The following LRRC8B variants were observed in gnomAD, a reference collection of about 807,000 sequenced individuals.
LRRC8B encodes the protein volume-regulated anion channel subunit LRRC8B.
A neutral mutation model predicts 58.8 loss-of-function variants in LRRC8B; 23 were observed. The ratio of observed to expected loss-of-function variants is 0.39; its 90% CI spans 0.28 to 0.55. LRRC8B has a LOEUF of 0.55. LRRC8B is among the 20% of genes least tolerant of loss of function. The pLI, the probability that LRRC8B is intolerant of heterozygous loss-of-function variation, is 0.62. For missense variants in LRRC8B, 694 were observed against 936.0 expected, an observed-to-expected ratio of 0.74 and a Z score of 3.37; for synonymous variants, 359 against 374.1, an observed-to-expected ratio of 0.96 and a Z score of 0.47.
chr1:89,561,083 C>T (rs1040920573), intron 1 of LRRC8B, among the ~76,000 whole-genome samples: 6 of 151,014 alleles, frequency 4.0e-5, no homozygotes, highest in African/African-American at 1.5e-4. Context: ...GCCATTCTAA[C>T]TGGTGTGAGA....
At chr1:89,567,975 A>G (rs1653165551) in intron 1 of LRRC8B, among the ~76,000 whole-genome samples, 1 of 152,176 alleles carries the variant, frequency 6.6e-6, no homozygotes, top group South Asian at 2.1e-4. Context: ...TTACAATGGC[A>G]TAATTGTATA....
rs763796952 is a variant in LRRC8B at position 89,592,855 on chromosome 1, C to T, written c.2224C>T (p.Pro742Ser). Residue 742 changes from proline to serine, a missense_variant, in exon 6 of 6, where the codon CCT becomes TCT. By Grantham distance (74) the Pro-to-Ser change is moderately conservative (BLOSUM62 -1). Around this residue, in one of 5 missense-constraint regions of LRRC8B, gnomAD observed 139 missense variants for 158.2 expected, o/e 0.88. Transcript: ENST00000330947. ...GAAAAATAGCTTGATGAATTTGTCC[C>T]CTCATGTGGGTGAGCTGTCAAACCT... ...LGKNSLMNLS[P>S]HVGELSNLTH... The T allele has an allele frequency of 1.2e-6, 2 of 1,613,804 alleles. No homozygotes were observed. The highest frequency in any genetic ancestry group is 1.1e-5 in the South Asian group (1 of 91,078).
At chr1:89,535,515 A>T (rs911849778) in intron 1 of LRRC8B, among the ~76,000 whole-genome samples, 3 of 152,180 alleles carry the variant, frequency 2.0e-5, no homozygotes, top group Non-Finnish European at 2.9e-5. Context: ...GAAGAGCAAG[A>T]CCCTCTTTTA....
At chr1:89,548,042 AT>A (rs1453775044) in intron 1 of LRRC8B, among the ~76,000 whole-genome samples, 4 of 152,166 alleles carry the variant, frequency 2.6e-5, no homozygotes, top group African/African-American at 9.7e-5. Context: ...CTTTCTAAAT[AT>A]TGCCTGGCTG....
At chr1:89,571,480 C>T (rs1197289324) in intron 3 of LRRC8B, among the ~76,000 whole-genome samples, 1 of 152,048 alleles carries the variant, frequency 6.6e-6, no homozygotes, top group Admixed American at 6.6e-5. Context: ...GAGTTTGTCC[C>T]TGATTTGGCT....
intron 3 of LRRC8B, among the ~76,000 whole-genome samples, chr1:89,578,414 CT>C (rs1333637109): frequency 2.7e-5 from 4 of 146,756 alleles, no homozygotes; most frequent in East Asian, 2.0e-4. Context: ...TTTATAAAGG[CT>C]TGTGAATTGT....
At chr1:89,559,142 G>C (rs921508828) in intron 1 of LRRC8B, 3 of 152,228 alleles carry the variant, frequency 2.0e-5, no homozygotes, top group Non-Finnish European at 2.9e-5. Context: ...TTGGGGAGAT[G>C]ATTCTGCAGC....
intron 1 of LRRC8B, among the ~76,000 whole-genome samples, chr1:89,559,241 A>T (rs1035239600): frequency 6.6e-6 from 1 of 152,142 alleles, no homozygotes; most frequent in African/African-American, 2.4e-5. Context: ...CGAGCATAGC[A>T]TATGTGTGAG....
rs138242440 is a variant in LRRC8B at position 89,593,616 on chromosome 1, G to A, written c.*573G>A. The A allele has an allele frequency of 1.3e-4, 20 of 152,454 alleles. No individual in the cohort carries two copies. Among genetic ancestry groups the A allele is most frequent in the African/African-American group, 4.8e-4 (20 of 41,526 alleles). 9.4% of individuals were successfully genotyped at this position (152,454 alleles called of 1,614,324 possible). ...GAAATGCACATCCAGGGTGGACTGGGAGCTATGAAATGACTAAATTCCTCC... is the reference window on the plus strand; with the variant it reads ...GAAATGCACATCCAGGGTGGACTGGAAGCTATGAAATGACTAAATTCCTCC... On this transcript the variant is annotated 3_prime_UTR_variant, in exon 6 of 6. Transcript: ENST00000330947.
intron 1 of LRRC8B, among the ~76,000 whole-genome samples, chr1:89,553,543 A>G (rs1230060560): frequency 6.6e-6 from 1 of 152,184 alleles, no homozygotes; most frequent in African/African-American, 2.4e-5. Context: ...TATTTTTACC[A>G]TTAAGTATTT....
At chr1:89,541,437 C>T (rs1052984211) in intron 1 of LRRC8B, among the ~76,000 whole-genome samples, 8 of 151,762 alleles carry the variant, frequency 5.3e-5, no homozygotes, top group African/African-American at 1.7e-4. Context: ...TCTGGCCGGG[C>T]GCGGTGGCTC....
rs561842704 is a variant in LRRC8B at position 89,596,346 on chromosome 1, C to T, written c.*3303C>T. 9 of 152,216 alleles carry T rather than the reference C, an allele frequency of 5.9e-5. No homozygotes were observed. Among genetic ancestry groups the T allele is most frequent in the Admixed American group, 1.3e-4 (2 of 15,292 alleles). The allele number at this position is 152,216 out of a possible 1,614,324, so 9.4% of individuals were successfully genotyped here. ...CTGTATGTCACTGTATTTTATGTCA[C>T]TTCACATTGTGTTAAACAGGGTAAA... On this transcript the variant is annotated 3_prime_UTR_variant, in exon 6 of 6. Coordinates refer to ENST00000330947, the MANE Select transcript of LRRC8B (RefSeq NM_001369817.2).
At chr1:89,564,786 A>G (rs1449727423) in intron 1 of LRRC8B, among the ~76,000 whole-genome samples, 1 of 152,218 alleles carries the variant, frequency 6.6e-6, no homozygotes, top group Non-Finnish European at 1.5e-5. Context: ...AGCATGAAGG[A>G]CTAACTACTT....
intron 1 of LRRC8B, among the ~76,000 whole-genome samples, chr1:89,567,299 T>A (rs964815918): frequency 6.6e-6 from 1 of 152,238 alleles, no homozygotes; most frequent in South Asian, 2.1e-4. Flanking sequence ...AAAATTGGTT[T>A]GAATGATTTG....
intron 1 of LRRC8B, among the ~76,000 whole-genome samples, chr1:89,532,221 G>A (rs1650191746): frequency 6.6e-6 from 1 of 152,064 alleles, no homozygotes; most frequent in Admixed American, 6.5e-5. Context: ...TCAAACCTTG[G>A]TTTATTGTTT....
intron 1 of LRRC8B, among the ~76,000 whole-genome samples, chr1:89,558,535 T>C (rs10922661): frequency 0.4 from 60,712 of 151,944 alleles, 13,555 homozygotes; most frequent in South Asian, 0.55. Context: ...ATGGGCCCCA[T>C]CCAAGACAGT....
chr1:89,564,285 T>C (rs1249244963), intron 1 of LRRC8B, among the ~76,000 whole-genome samples: 1 of 152,216 alleles, frequency 6.6e-6, no homozygotes, highest in African/African-American at 2.4e-5. Flanking sequence ...TTTCACTAGA[T>C]GGAATACTGA....
intron 1 of LRRC8B, among the ~76,000 whole-genome samples, chr1:89,549,170 A>G (rs1651630257): frequency 6.6e-6 from 1 of 152,228 alleles, no homozygotes; most frequent in Non-Finnish European, 1.5e-5. Flanking sequence ...AGTATATAGT[A>G]CATTAAACGG....
chr1:89,572,732 A>AT (rs1360807342), intron 3 of LRRC8B: 1 of 152,188 alleles, frequency 6.6e-6, no homozygotes, highest in East Asian at 1.9e-4. Flanking sequence ...GCAAAAGGTG[A>AT]TGGAGAAGGA....
Sources: gnomAD v4.1 joint callset for allele counts (sites outside exome capture counted in the v4.1 genomes callset) on GRCh38, gnomAD v4.1.1 for gene constraint, gnomAD v4.1.1 regional missense constraint, MANE v1.5 for transcripts, NCBI Gene and HGNC (gene_info 2026-07-23, HGNC 2026-07-21) for gene names.